SSBP2: variants seen among roughly 807,000 people sequenced by gnomAD.
SSBP2 encodes the protein single-stranded DNA-binding protein 2.
SSBP2 carries 17 observed loss-of-function variants against 61.8 expected under a neutral mutation model. The ratio of observed to expected loss-of-function variants is 0.28; its 90% CI spans 0.19 to 0.41. SSBP2 has a LOEUF of 0.41. Among genes scored for constraint, SSBP2 ranks in the 10% least tolerant of loss-of-function variants. SSBP2 has a pLI of 1.00. For missense variants in SSBP2, 310 were observed against 458.7 expected, an observed-to-expected ratio of 0.68 and a Z score of 2.96; for synonymous variants, 139 against 141.3, an observed-to-expected ratio of 0.98 and a Z score of 0.12.
At chr5:81,655,885 T>G (rs1750165034) in intron 1 of SSBP2, among the ~76,000 whole-genome samples, 1 of 152,216 alleles carries the variant, frequency 6.6e-6, no homozygotes, top group African/African-American at 2.4e-5. Context: ...TCAACTAGGC[T>G]TCATGAATTC....
intron 2 of SSBP2, among the ~76,000 whole-genome samples, chr5:81,640,966 C>T (rs1461646048): frequency 6.6e-6 from 1 of 152,218 alleles, no homozygotes; most frequent in African/African-American, 2.4e-5. Context: ...TTTCAAAGTA[C>T]TGTCCTTATG....
intron 6 of SSBP2, among the ~76,000 whole-genome samples, chr5:81,481,864 TA>T (rs2154032229): frequency 6.6e-6 from 1 of 152,186 alleles, no homozygotes; most frequent in East Asian, 1.9e-4. Flanking sequence ...AAATAGTCAG[TA>T]AATCATGCTG....
At chr5:81,749,676 A>G (rs12518038) in intron 1 of SSBP2, among the ~76,000 whole-genome samples, 21,949 of 136,846 alleles carry the variant, frequency 0.16, 1,668 homozygotes, top group Admixed American at 0.2. Flanking sequence ...TAAAAAAAAA[A>G]GGGGGGGGTT....
chr5:81,437,290 C>A (rs1251349902), intron 15 of SSBP2, 140 bp downstream of exon 15: 1 of 760,262 alleles, frequency 1.3e-6, no homozygotes, highest in East Asian at 2.6e-5. Context: ...ATATTCTTAA[C>A]TTCCAATTAA....
intron 1 of SSBP2, among the ~76,000 whole-genome samples, chr5:81,733,515 A>C (rs997966269): frequency 6.6e-6 from 1 of 152,202 alleles, no homozygotes; most frequent in Non-Finnish European, 1.5e-5. Context: ...CTCACTAGTA[A>C]ACTATATATT....
rs79924752 is a variant in SSBP2 at position 81,525,595 on chromosome 5, G to T, written c.283-11878C>A. 7.1e-3 allele frequency among the ~76,000 whole-genome samples: 1,084 copies of T among 152,004 alleles called. 23 individuals carry two copies. Among genetic ancestry groups the T allele is most frequent in the African/African-American group, 0.025 (1,031 of 41,484 alleles). On this transcript the variant is annotated intron_variant, in intron 4 of 16. Transcript: ENST00000320672. ...GCACTACCTGCAGTTGGATTCCCTT[G>T]ATATCAACAGTTAGTTCAACTGCCT... is the stretch of plus-strand genomic sequence containing the variant.
At chr5:81,516,799 A>C (rs1253928141) in intron 4 of SSBP2, among the ~76,000 whole-genome samples, 1 of 151,388 alleles carries the variant, frequency 6.6e-6, no homozygotes, top group Admixed American at 6.6e-5. Context: ...GTAAATAAGA[A>C]GTTTTTGGAA....
At chr5:81,469,546 T>C (rs1765111924) in intron 8 of SSBP2, among the ~76,000 whole-genome samples, 1 of 151,916 alleles carries the variant, frequency 6.6e-6, no homozygotes, top group Non-Finnish European at 1.5e-5. Context: ...ATAACAGTTT[T>C]TCTTTGTGTA....
chr5:81,615,858 G>A (rs1218720307), intron 3 of SSBP2, among the ~76,000 whole-genome samples: 1 of 152,154 alleles, frequency 6.6e-6, no homozygotes, highest in African/African-American at 2.4e-5. Context: ...TGGAGTAGCT[G>A]TAATACTTTT....
intron 5 of SSBP2, among the ~76,000 whole-genome samples, chr5:81,491,166 A>G (rs1422109787): frequency 6.6e-6 from 1 of 152,172 alleles, no homozygotes; most frequent in Non-Finnish European, 1.5e-5. Flanking sequence ...CATTGGTTTT[A>G]TAATGGCTGT....
chr5:81,484,819 G>C (rs1766262378), intron 6 of SSBP2, among the ~76,000 whole-genome samples: 1 of 152,036 alleles, frequency 6.6e-6, no homozygotes, highest in Non-Finnish European at 1.5e-5. Flanking sequence ...TCAGTAGAAT[G>C]GTCAGATGTA....
intron 4 of SSBP2, among the ~76,000 whole-genome samples, chr5:81,568,243 T>C (rs1269339041): frequency 1.3e-5 from 2 of 152,138 alleles, no homozygotes; most frequent in Non-Finnish European, 2.9e-5. Flanking sequence ...GGGAGATAAT[T>C]GAATCATAGG....
At position 81,598,023 on chromosome 5, in the gene SSBP2, T is replaced by A. The variant is rs181984318; in HGVS notation, c.282+17450A>T. On this transcript the variant is annotated intron_variant, in intron 4 of 16. Coordinates refer to ENST00000320672, the MANE Select transcript of SSBP2 (RefSeq NM_012446.5). ...AAAGTATAATAATAAAATTAAAAAA[T>A]AATAATAATAAAATAAATTTAAAAG... Among the ~76,000 whole-genome samples, 126 of 150,860 alleles carry A rather than the reference T, an allele frequency of 8.4e-4. 1 individual carries two copies. Among genetic ancestry groups the A allele is most frequent in the Non-Finnish European group, 1.2e-3 (84 of 67,662 alleles).
At chr5:81,596,834 T>C (rs1166954765) in intron 4 of SSBP2, among the ~76,000 whole-genome samples, 2 of 145,216 alleles carry the variant, frequency 1.4e-5, no homozygotes, top group Non-Finnish European at 3.0e-5. Context: ...ATACAAAAAT[T>C]AATTCAAGAT....
At chr5:81,519,040 A>G (rs1769258955) in intron 4 of SSBP2, among the ~76,000 whole-genome samples, 1 of 152,082 alleles carries the variant, frequency 6.6e-6, no homozygotes, top group African/African-American at 2.4e-5. Context: ...TCTATTCTCA[A>G]TGAGATGGGT....
Position 81,415,599 on chromosome 5 carries a change from G to C in SSBP2, c.*4905C>G. On this transcript the variant is annotated 3_prime_UTR_variant, in exon 17 of 17. Coordinates refer to ENST00000320672, the MANE Select transcript of SSBP2 (RefSeq NM_012446.5). Reference sequence around the variant, plus strand: ...GTGGATATGGAGGGCCAACTCTATTGTACAGAAGACATAAAAAAAAAGGAA... The same window carrying C: ...GTGGATATGGAGGGCCAACTCTATTCTACAGAAGACATAAAAAAAAAGGAA... 1 of 151,624 alleles carries C rather than the reference G, an allele frequency of 6.6e-6. No homozygotes were observed. The highest frequency in any genetic ancestry group is 2.1e-4 in the South Asian group (1 of 4,818). The allele number at this position is 151,624 out of a possible 1,614,324, so 9.4% of individuals were successfully genotyped here. A position where few individuals can be genotyped will look rare whatever the true frequency, so the allele number is the denominator to read the frequency against.
At position 81,699,851 on chromosome 5, in the gene SSBP2, TTTC is replaced by T. The variant is rs1339747496; in HGVS notation, c.63-49515_63-49513del. ...ATGACAGATAGCTTTACAAAATCAA[TTTC>T]TTTTTTTTTTTTTTTTTTTTGAGAC... On this transcript the variant is annotated intron_variant, in intron 1 of 16. Coordinates refer to ENST00000320672, the MANE Select transcript of SSBP2 (RefSeq NM_012446.5). 2.9e-3 allele frequency among the ~76,000 whole-genome samples: 385 copies of T among 134,030 alleles called. 1 individual carries two copies. Among genetic ancestry groups the T allele is most frequent in the Non-Finnish European group, 3.8e-3 (248 of 64,990 alleles). 87.9% of individuals were successfully genotyped at this position (134,030 alleles called of 152,430 possible).
At chr5:81,507,603 T>C (rs1474063327) in intron 5 of SSBP2, among the ~76,000 whole-genome samples, 1 of 152,180 alleles carries the variant, frequency 6.6e-6, no homozygotes, top group Admixed American at 6.5e-5. Flanking sequence ...TGTGTTTTTA[T>C]ATAAAGGATA....
intron 4 of SSBP2, among the ~76,000 whole-genome samples, chr5:81,549,657 C>A (rs956994356): frequency 6.6e-6 from 1 of 152,124 alleles, no homozygotes; most frequent in Non-Finnish European, 1.5e-5. Flanking sequence ...ATGATTCATA[C>A]AAAAATTATA....
Sources: gnomAD v4.1 joint callset for allele counts (sites outside exome capture counted in the v4.1 genomes callset) on GRCh38, gnomAD v4.1.1 for gene constraint, MANE v1.5 for transcripts, NCBI Gene and HGNC (gene_info 2026-07-23, HGNC 2026-07-21) for gene names.